The following PALM2AKAP2 variants were observed in gnomAD, a reference collection of about 807,000 sequenced individuals.
The protein encoded by PALM2AKAP2 is PALM2 and AKAP2 fusion.
In PALM2AKAP2, 37 loss-of-function variants were observed where a neutral mutation model predicts 71.5. The ratio of observed to expected loss-of-function variants is 0.52; its 90% confidence interval spans 0.40 to 0.68. The LOEUF (loss-of-function observed/expected upper bound fraction) is 0.68, where lower values mean the gene tolerates loss of function less well. Ranked by LOEUF, PALM2AKAP2 falls within the 30% of genes least tolerant of loss-of-function variation. The pLI is 0.00. For synonymous variants in PALM2AKAP2, 468 were observed against 478.8 expected (o/e 0.98, Z 0.29); for missense variants, 1,224 against 1,191.8 (o/e 1.03, Z -0.40).
intron 1 of PALM2AKAP2, among the ~76,000 whole-genome samples, chr9:109,694,005 A>G (rs1827933354): frequency 6.6e-6 from 1 of 151,896 alleles, no homozygotes; most frequent in African/African-American, 2.4e-5. Flanking sequence ...TTATTTCTTT[A>G]CTTGGCTTGT....
chr9:110,136,999 G>A (rs762647505), exon 2 of PALM2AKAP2: 2 of 1,614,136 alleles, frequency 1.2e-6, no homozygotes, highest in Admixed American at 3.3e-5. Context: ...AGGAGCAGCT[G>A]GACGAGGAAC....
chr9:109,832,400 G>A (rs1263449854), intron 1 of PALM2AKAP2, among the ~76,000 whole-genome samples: 7 of 152,140 alleles, frequency 4.6e-5, no homozygotes, highest in East Asian at 1.9e-4. Flanking sequence ...AGGTGTGAAC[G>A]AGCCATTTGT....
intron 1 of PALM2AKAP2, among the ~76,000 whole-genome samples, chr9:109,732,173 A>C (rs1828566141): frequency 6.6e-6 from 1 of 152,210 alleles, no homozygotes. Flanking sequence ...GATCAATGGA[A>C]GTGAAAGACA....
exon 2 of PALM2AKAP2, chr9:110,137,132 C>G (rs1835899894): frequency 6.2e-7 from 1 of 1,613,402 alleles, no homozygotes; most frequent in Admixed American, 1.7e-5. Context: ...CTGCACAGCC[C>G]CTGCCTCTTC....
chr9:110,136,161 T>A, exon 2 of PALM2AKAP2: 2 of 1,600,334 alleles, frequency 1.2e-6, no homozygotes, highest in Non-Finnish European at 8.5e-7. Context: ...GATATCTGGC[T>A]AAAAAGCGAG....
At chr9:109,788,269 C>G (rs1827019139) in intron 1 of PALM2AKAP2, among the ~76,000 whole-genome samples, 1 of 152,182 alleles carries the variant, frequency 6.6e-6, no homozygotes, top group South Asian at 2.1e-4. Flanking sequence ...GAAGCCCAAG[C>G]CTAACTCATG....
chr9:109,822,187 G>C (rs1478386210), intron 1 of PALM2AKAP2, among the ~76,000 whole-genome samples: 1 of 152,174 alleles, frequency 6.6e-6, no homozygotes, highest in African/African-American at 2.4e-5. Flanking sequence ...ACAGAAATGT[G>C]ACTAGGCCTA....
At chr9:109,684,625 G>A (rs1337308683) in intron 1 of PALM2AKAP2, among the ~76,000 whole-genome samples, 2 of 152,066 alleles carry the variant, frequency 1.3e-5, no homozygotes, top group Non-Finnish European at 2.9e-5. Flanking sequence ...ATTCTACCAA[G>A]TACCCGACAA....
At chr9:110,016,528 C>T (rs1013009789) in intron 7 of PALM2AKAP2, among the ~76,000 whole-genome samples, 1 of 152,184 alleles carries the variant, frequency 6.6e-6, no homozygotes, top group African/African-American at 2.4e-5. Context: ...GCACATGGCC[C>T]ACTCCAGCTG....
chr9:109,822,966 T>C (rs1346866558), intron 1 of PALM2AKAP2, among the ~76,000 whole-genome samples: 1 of 152,220 alleles, frequency 6.6e-6, no homozygotes, highest in Non-Finnish European at 1.5e-5. Context: ...AGTCCGCCTC[T>C]GTATTTCTTC....
chr9:109,881,946 C>G lies in PALM2AKAP2; in HGVS notation c.257+1265C>G, dbSNP rs1457166136. Among the ~76,000 whole-genome samples, 4 of 135,650 alleles carry G rather than the reference C, an allele frequency of 2.9e-5. No homozygotes were observed. In the Admixed American group the frequency reaches 3.5e-4, roughly 12 times the overall value. The allele number at this position is 135,650 out of a possible 152,430, so 89.0% of individuals were successfully genotyped here. On this transcript the variant is annotated intron_variant, in intron 3 of 9. Transcript: ENST00000302798. ...GTCACTAGGCTGGAGTACAGTGGCA[C>G]AATCTTGGCTCACTGCAACCTCCGC...
At chr9:109,901,053 T>A (rs1346374125) in intron 3 of PALM2AKAP2, among the ~76,000 whole-genome samples, 3 of 152,166 alleles carry the variant, frequency 2.0e-5, no homozygotes, top group African/African-American at 7.2e-5. Flanking sequence ...ATGGAGCAAA[T>A]GTACCTGGAT....
At chr9:109,699,436 CA>C (rs1188878683) in intron 1 of PALM2AKAP2, among the ~76,000 whole-genome samples, 1 of 152,112 alleles carries the variant, frequency 6.6e-6, no homozygotes, top group Non-Finnish European at 1.5e-5. Context: ...GATTTTTGTA[CA>C]AGGATGTTTA....
intron 6 of PALM2AKAP2, among the ~76,000 whole-genome samples, chr9:109,968,369 G>A (rs981399049): frequency 6.6e-6 from 1 of 152,146 alleles, no homozygotes; most frequent in Non-Finnish European, 1.5e-5. Context: ...ATCAACAAGA[G>A]CTATTTTGAT....
At chr9:110,009,222 C>T (rs1042543259) in intron 6 of PALM2AKAP2, among the ~76,000 whole-genome samples, 8 of 152,074 alleles carry the variant, frequency 5.3e-5, no homozygotes, top group Admixed American at 3.9e-4. Flanking sequence ...TCCTTCCATG[C>T]GTGCCACTCT....
chr9:109,866,966 T>C (rs1448713407), intron 1 of PALM2AKAP2: 1 of 453,372 alleles, frequency 2.2e-6, no homozygotes, highest in Non-Finnish European at 4.4e-6. Context: ...GTTTGGTATG[T>C]CCAACTGGGT....
intron 1 of PALM2AKAP2, among the ~76,000 whole-genome samples, chr9:110,105,002 T>C (rs1433466311): frequency 1.3e-5 from 2 of 152,216 alleles, no homozygotes; most frequent in Non-Finnish European, 2.9e-5. Flanking sequence ...TCAGGTTAAG[T>C]GGTATTATTT....
intron 3 of PALM2AKAP2, among the ~76,000 whole-genome samples, chr9:109,893,604 C>T (rs979506830): frequency 6.6e-6 from 1 of 152,132 alleles, no homozygotes; most frequent in Admixed American, 6.5e-5. Context: ...TGCCACCACA[C>T]CCAGCTAATT....
chr9:109,747,203 C>T (rs1384457776), intron 1 of PALM2AKAP2, among the ~76,000 whole-genome samples: 1 of 152,174 alleles, frequency 6.6e-6, no homozygotes, highest in African/African-American at 2.4e-5. Context: ...AGGCCACCAG[C>T]AGATGGATTC....
Sources: gnomAD v4.1 joint callset for allele counts (sites outside exome capture counted in the v4.1 genomes callset) on GRCh38, gnomAD v4.1.1 for gene constraint, MANE v1.5 for transcripts, NCBI Gene and HGNC (gene_info 2026-07-23, HGNC 2026-07-21) for gene names.